The following ORC5 variants were observed in gnomAD, a reference collection of about 807,000 sequenced individuals.
The protein encoded by ORC5 is origin recognition complex subunit 5.
A neutral mutation model predicts 58.8 loss-of-function variants in ORC5; 39 were observed. The observed-to-expected ratio is 0.66, with a 90% CI of 0.51 to 0.87. ORC5 has a LOEUF of 0.87. Ranked by LOEUF, ORC5 falls within the 40% of genes least tolerant of loss-of-function variation. The probability of loss-of-function intolerance (pLI) is 0.00; values close to 1 mark genes in which losing one functional copy is unlikely to be tolerated. For missense variants in ORC5, 493 were observed against 506.3 expected (o/e 0.97, Z 0.25); for synonymous variants, 218 against 177.6 (o/e 1.23, Z -1.81).
At chr7:104,144,711 C>T (rs779338423) in intron 12 of ORC5, among the ~76,000 whole-genome samples, 3 of 152,184 alleles carry the variant, frequency 2.0e-5, no homozygotes, top group Admixed American at 6.5e-5. Context: ...GAGCTGAGAT[C>T]GTGCCACTGT....
In ORC5 at chr7:104,131,725, G is replaced by A. The variant is rs540121559; in HGVS notation, c.1263-4832C>T. On this transcript the variant is annotated intron_variant, in intron 13 of 13. Transcript: ENST00000297431. ...AAATTATTTGGGCGTTGTGGCACAC[G>A]CCTGTAATCCCAGCTACTCGGGAGG... Among the ~76,000 whole-genome samples, 8 of 152,084 alleles carry A rather than the reference G, an allele frequency of 5.3e-5. No homozygotes were observed. The East Asian group carries it at 9.7e-4, about 18-fold the overall frequency.
intron 13 of ORC5, among the ~76,000 whole-genome samples, chr7:104,132,787 T>C (rs931051760): frequency 3.3e-5 from 5 of 152,166 alleles, no homozygotes; most frequent in Non-Finnish European, 7.4e-5. Flanking sequence ...ACTTGTTACA[T>C]ATAATGAAGA....
In ORC5 at chr7:104,135,281, A is replaced by T. The variant is rs554424571; in HGVS notation, c.1262+1500T>A. On this transcript the variant is annotated intron_variant, in intron 13 of 13. Coordinates refer to ENST00000297431, the MANE Select transcript of ORC5 (RefSeq NM_002553.4). The stretch of plus-strand genomic sequence containing the variant: ...TCCAATATAATTGCTTTTTTAAAGG[A>T]AGTAATTGCTTTGTGATTATACTTA... Among the ~76,000 whole-genome samples the T allele has an allele frequency of 5.3e-4, 81 of 152,262 alleles. 1 individual carries two copies. In the South Asian group the frequency reaches 0.016, roughly 30 times the overall value.
intron 4 of ORC5, among the ~76,000 whole-genome samples, chr7:104,196,236 G>A (rs1799799151): frequency 6.6e-6 from 1 of 152,142 alleles, no homozygotes; most frequent in Non-Finnish European, 1.5e-5. Flanking sequence ...CACTGAAAAG[G>A]CAAGAAGACA....
rs1172738037 is a variant in ORC5 at position 104,166,909 on chromosome 7, A to C, written c.878-25T>G. ...CCTATATAACAAAACACTTTGATGA[A>C]GTACTTATTAGGCTAACATTGGGTT... On this transcript the variant is annotated intron_variant, in intron 9 of 13. Coordinates refer to ENST00000297431, the MANE Select transcript of ORC5 (RefSeq NM_002553.4). The C allele has an allele frequency of 2.4e-6, 3 of 1,273,052 alleles. No homozygotes were observed. The Admixed American group carries it at 5.4e-5, about 23-fold the overall frequency. 78.9% of individuals were successfully genotyped at this position (1,273,052 alleles called of 1,614,324 possible). A position where few individuals can be genotyped will look rare whatever the true frequency, so the allele number is the denominator to read the frequency against.
chr7:104,143,898 C>T (rs1483543092), intron 12 of ORC5, among the ~76,000 whole-genome samples: 1 of 151,992 alleles, frequency 6.6e-6, no homozygotes, highest in African/African-American at 2.4e-5. Flanking sequence ...ACAGGTAGAT[C>T]ACTTGAGGCC....
chr7:104,178,844 T>C (rs1348719680), intron 8 of ORC5, among the ~76,000 whole-genome samples: 1 of 152,168 alleles, frequency 6.6e-6, no homozygotes, highest in African/African-American at 2.4e-5. Flanking sequence ...CTGATTAACA[T>C]ATATAATTCT....
In ORC5 at chr7:104,188,459, G is replaced by T. The variant is rs931976773; in HGVS notation, c.554-78C>A. 7 of 1,096,310 alleles carry T rather than the reference G, an allele frequency of 6.4e-6. No individual in the cohort carries two copies. The Admixed American group carries it at 7.2e-5, about 11-fold the overall frequency. 67.9% of individuals were successfully genotyped at this position (1,096,310 alleles called of 1,614,324 possible). On this transcript the variant is annotated intron_variant, in intron 5 of 13. Transcript: ENST00000297431. ...TATCTTCAAGCATTTTATAACAAAG[G>T]TATTAAAAAAAAAACACCCAGACCC...
At chr7:104,173,875 C>G (rs1037839835) in intron 8 of ORC5, among the ~76,000 whole-genome samples, 18 of 127,122 alleles carry the variant, frequency 1.4e-4, no homozygotes, top group African/African-American at 4.8e-4. Flanking sequence ...GACGGAGTCT[C>G]GCTCTGTCGC....
At chr7:104,163,887 C>G (rs191871980) in intron 11 of ORC5, among the ~76,000 whole-genome samples, 1 of 152,172 alleles carries the variant, frequency 6.6e-6, no homozygotes, top group Non-Finnish European at 1.5e-5. Flanking sequence ...ACCTGCAGAA[C>G]AGGCAGACTC....
chr7:104,163,272 G>GT (rs1309088149), intron 11 of ORC5, among the ~76,000 whole-genome samples: 3 of 152,102 alleles, frequency 2.0e-5, no homozygotes, highest in African/African-American at 7.2e-5. Flanking sequence ...ACGTAACTGG[G>GT]TTCTGCCAGG....
rs1798631692 is a variant in ORC5 at position 104,138,930 on chromosome 7, T to C, written c.1150-2037A>G. 6.6e-6 allele frequency among the ~76,000 whole-genome samples: 1 copy of C among 152,228 alleles called. No homozygotes were observed. Among genetic ancestry groups the C allele is most frequent in the Admixed American group, 6.5e-5 (1 of 15,280 alleles). ...AGTACAAAATCACTTAACATTCATA[T>C]GGCCAACTAAAATATTAAGTTCTCT... On this transcript the variant is annotated intron_variant, in intron 12 of 13. Coordinates refer to ENST00000297431, the MANE Select transcript of ORC5 (RefSeq NM_002553.4). This position sits in a 1 kb window ranked among gnomAD's most constrained non-coding sequence, Gnocchi z 4.7.
intron 11 of ORC5, among the ~76,000 whole-genome samples, chr7:104,161,626 G>C (rs1198624782): frequency 1.3e-5 from 2 of 152,062 alleles, no homozygotes; most frequent in African/African-American, 4.8e-5. Flanking sequence ...TCCCCACCTT[G>C]GCCTCCCAAA....
At position 104,188,250 on chromosome 7, in the gene ORC5, C is replaced by T. The variant is rs1226976291; in HGVS notation, c.684+1G>A. ...TATATTCAAGCAAAATGTTCATTTA[C>T]CAGATGTCTGAGCTCTTTCAAATCT... is the stretch of plus-strand genomic sequence containing the variant. On this transcript the variant is annotated splice_donor_variant, in intron 6 of 13. Coordinates refer to ENST00000297431, the MANE Select transcript of ORC5 (RefSeq NM_002553.4). LOFTEE classifies it high-confidence loss of function. 74 of 1,604,226 alleles carry T rather than the reference C, an allele frequency of 4.6e-5. No individual in the cohort carries two copies. The highest frequency in any genetic ancestry group is 5.7e-5 in the Non-Finnish European group (67 of 1,173,592).
chr7:104,207,806 A>T, intron 1 of ORC5, 27 bp downstream of exon 1: 4 of 1,593,224 alleles, frequency 2.5e-6, no homozygotes, highest in Non-Finnish European at 3.4e-6. Flanking sequence ...TGCCTCCAGG[A>T]TCTGGAAGAC....
At chr7:104,174,328 C>T (rs755356411) in intron 8 of ORC5, among the ~76,000 whole-genome samples, 6 of 152,168 alleles carry the variant, frequency 3.9e-5, no homozygotes, top group Non-Finnish European at 7.3e-5. Context: ...CCATCTAAAA[C>T]ACTGGTCCAA....
At chr7:104,127,548 T>TGGA (rs10699925) in intron 13 of ORC5, among the ~76,000 whole-genome samples, 92,274 of 151,704 alleles carry the variant, frequency 0.61, 30,038 homozygotes, top group African/African-American at 0.84. Flanking sequence ...TATTCAGACT[T>TGGA]GGTTTATTAT....
At chr7:104,193,441 A>C (rs1799721108) in intron 5 of ORC5, among the ~76,000 whole-genome samples, 1 of 152,070 alleles carries the variant, frequency 6.6e-6, no homozygotes, top group African/African-American at 2.4e-5. Context: ...CTCTCTAAAG[A>C]AAAAATATCC....
chr7:104,128,994 T>A (rs1332317905), intron 13 of ORC5, among the ~76,000 whole-genome samples: 1 of 151,828 alleles, frequency 6.6e-6, no homozygotes, highest in African/African-American at 2.4e-5. Flanking sequence ...TAAATTACAA[T>A]ACATTATTTG....
Sources: gnomAD v4.1 joint callset for allele counts (sites outside exome capture counted in the v4.1 genomes callset) on GRCh38, gnomAD v4.1.1 for gene constraint, Gnocchi (gnomAD v3.1) non-coding constraint, MANE v1.5 for transcripts, NCBI Gene and HGNC (gene_info 2026-07-23, HGNC 2026-07-21) for gene names.